Variants in CNNM3 observed in about 807,000 individuals in gnomAD.
CNNM3 encodes metal transporter CNNM3.
Under a neutral mutation model 57.1 loss-of-function variants are expected in CNNM3, and 47 were observed. The ratio of observed to expected loss-of-function variants is 0.82; its 90% CI spans 0.65 to 1.05. The LOEUF is 1.05. Among genes scored for constraint, CNNM3 ranks in the 50% least tolerant of loss-of-function variants. The pLI is 0.00. For missense variants in CNNM3, 957 were observed against 973.7 expected, an observed-to-expected ratio of 0.98 and a Z score of 0.23; for synonymous variants, 507 against 478.2, an observed-to-expected ratio of 1.06 and a Z score of -0.79.
In CNNM3 at chr2:96,833,230, G is replaced by C. The variant is rs1001296341; in HGVS notation, c.*614G>C. On this transcript the variant is annotated 3_prime_UTR_variant, in exon 8 of 8. Transcript: ENST00000305510. The stretch of plus-strand genomic sequence containing the variant: ...GCCCGTAGGCTGTCCCTGTAGCCCT[G>C]CTCCCTCCCTGGAGGCTGCTCTTCT... The C allele has an allele frequency of 2.1e-4, 76 of 354,014 alleles. No individual in the cohort carries two copies. Among genetic ancestry groups the C allele is most frequent in the African/African-American group, 1.5e-3 (69 of 46,716 alleles). 21.9% of individuals were successfully genotyped at this position (354,014 alleles called of 1,614,324 possible).
Position 96,833,298 on chromosome 2 carries a change from C to T in CNNM3, c.*682C>T, listed in dbSNP as rs2079637262. 2 of 309,312 alleles carry T rather than the reference C, an allele frequency of 6.5e-6. No homozygotes were observed. Among genetic ancestry groups the T allele is most frequent in the East Asian group, 1.9e-4 (2 of 10,652 alleles). 19.2% of individuals were successfully genotyped at this position (309,312 alleles called of 1,614,324 possible). A position where few individuals can be genotyped will look rare whatever the true frequency, so the allele number is the denominator to read the frequency against. On this transcript the variant is annotated 3_prime_UTR_variant, in exon 8 of 8. Coordinates refer to ENST00000305510, the MANE Select transcript of CNNM3 (RefSeq NM_017623.5). ...TAGTGGTGCTGAGGGCCCCTTTCTG[C>T]TTCTCTGCCCACCTGCTGAGTTGCC...
In CNNM3 at chr2:96,827,874, G is replaced by A. The variant is rs755741624; in HGVS notation, c.1663G>A (p.Val555Met). 8.1e-6 allele frequency: 13 copies of A among 1,613,760 alleles called. No individual in the cohort carries two copies. Among genetic ancestry groups the A allele is most frequent in the Non-Finnish European group, 7.6e-6 (9 of 1,179,754 alleles). ...HHYLYQRSQPVDYFILILQGR... is the reference protein window; with the variant it reads ...HHYLYQRSQPMDYFILILQGR... ...CTACCTGTACCAGCGCAGCCAGCCG[G>A]TGGATTACTTCATTCTCATCCTGCA... is the stretch of plus-strand genomic sequence containing the variant. Residue 555 changes from valine to methionine, a missense_variant, in exon 4 of 8, where the codon GTG (valine) becomes ATG (methionine). Physicochemically the swap from Val to Met is conservative, Grantham distance 21. Coordinates refer to ENST00000305510, the MANE Select transcript of CNNM3 (RefSeq NM_017623.5).
In CNNM3 at chr2:96,816,813, C is replaced by G. The variant is rs2079326558; in HGVS notation, c.536C>G (p.Ala179Gly). The G allele has an allele frequency of 1.9e-6, 2 of 1,027,852 alleles. No homozygotes were observed. The highest frequency in any genetic ancestry group is 1.7e-5 in the African/African-American group (1 of 57,450). The allele number at this position is 1,027,852 out of a possible 1,614,324, so 63.7% of individuals were successfully genotyped here. A position where few individuals can be genotyped will look rare whatever the true frequency, so the allele number is the denominator to read the frequency against. Residue 179 changes from alanine to glycine, a missense_variant, in exon 1 of 8, where the codon GCG becomes GGG. Ala to Gly is a moderately conservative substitution (Grantham distance 60, BLOSUM62 0). Transcript: ENST00000305510. ...LRESGSEAER[A>G]AARRLEPARR... ...GAGAGCGGCTCGGAGGCGGAGCGTG[C>G]GGCGGCGCGGCGTTTGGAGCCCGCG...
In CNNM3 at chr2:96,828,992, C is replaced by T. The variant is rs1246884825; in HGVS notation, c.1921-4C>T. On this transcript the variant is annotated splice_region_variant and splice_polypyrimidine_tract_variant and intron_variant, in intron 6 of 7. Coordinates refer to ENST00000305510, the MANE Select transcript of CNNM3 (RefSeq NM_017623.5). ...TGGGTCCCAGTAACGCTGTCATCCT[C>T]CAGGTTACGCGACTGCAGTACCTCA... is the stretch of plus-strand genomic sequence containing the variant. The T allele has an allele frequency of 2.5e-6, 4 of 1,613,376 alleles. No homozygotes were observed. Among genetic ancestry groups the T allele is most frequent in the Admixed American group, 3.3e-5 (2 of 59,966 alleles).
intron 5 of CNNM3, 137 bp from the exon 6 acceptor site, chr2:96,828,429 TC>T (rs1308224495): frequency 1.8e-6 from 2 of 1,130,888 alleles, no homozygotes; most frequent in Non-Finnish European, 2.5e-6. Context: ...TGTCCTTCTC[TC>T]CCAGCTTCCC....
At chr2:96,829,188 TCACA>T in intron 7 of CNNM3, 54 bp downstream of exon 7, 2 of 1,591,466 alleles carry the variant, frequency 1.3e-6, no homozygotes, top group South Asian at 2.2e-5. Context: ...GGCCGTGAGC[TCACA>T]CACACAGACT....
rs1009343208 is a variant in CNNM3, at chr2:96,816,970, C to A, written c.693C>A (p.Leu231=). The change falls in exon 1 of 8, where the codon CTC becomes CTA. Residue 231 remains leucine, a synonymous_variant. Coordinates refer to ENST00000305510, the MANE Select transcript of CNNM3 (RefSeq NM_017623.5). ...CCGCCGTGTTGGGCAGCGCGGGGCT[C>A]GTGTTCCTGGTGGGAGAGGTGGTGC... ...AVPAVLGSAG[L]VFLVGEVVPA... 2 of 1,347,242 alleles carry A rather than the reference C, an allele frequency of 1.5e-6. No individual in the cohort carries two copies. The highest frequency in any genetic ancestry group is 1.6e-5 in the African/African-American group (1 of 64,064). 83.5% of individuals were successfully genotyped at this position (1,347,242 alleles called of 1,614,324 possible).
chr2:96,817,609 A>G (rs2079344395), intron 1 of CNNM3, 107 bp downstream of exon 1: 5 of 1,092,242 alleles, frequency 4.6e-6, no homozygotes, highest in South Asian at 1.5e-5. Context: ...CCCTGTGGAG[A>G]GCAGTGAGAC....
chr2:96,832,248 A>G (rs544277916), intron 7 of CNNM3: 206 of 985,306 alleles, frequency 2.1e-4, no homozygotes, highest in South Asian at 8.0e-4. Context: ...ACTGTGGAAA[A>G]TGGTGCTTCC....
At position 96,817,121 on chromosome 2, in the gene CNNM3, C is replaced by G; in HGVS notation, c.844C>G (p.Arg282Gly). ...PVGQLLELAA[R>G]PGRLRERVLE... ...GGGGCAGCTGCTGGAGCTGGCGGCG[C>G]GGCCCGGGCGGCTGCGGGAGCGGGT... The change falls in exon 1 of 8, where the codon CGG (arginine) becomes GGG (glycine). Residue 282 changes from arginine (R) to glycine (G), a missense_variant. This residue lies in a region of CNNM3 where 466 missense variants were observed against 403.1 expected (regional missense o/e 1.16). Transcript: ENST00000305510. 7.4e-7 allele frequency: 1 copy of G among 1,342,902 alleles called. No individual in the cohort carries two copies. The highest frequency in any genetic ancestry group is 9.5e-7 in the Non-Finnish European group (1 of 1,057,330). 83.2% of individuals were successfully genotyped at this position (1,342,902 alleles called of 1,614,324 possible). A position where few individuals can be genotyped will look rare whatever the true frequency, so the allele number is the denominator to read the frequency against.
At chr2:96,818,581 A>G (rs1028274373) in intron 1 of CNNM3, among the ~76,000 whole-genome samples, 1 of 152,084 alleles carries the variant, frequency 6.6e-6, no homozygotes. Context: ...CTAAGGTCTC[A>G]AGTTCTCCCT....
At position 96,826,374 on chromosome 2, in the gene CNNM3, G is replaced by A. The variant is rs373772077; in HGVS notation, c.1370-459G>A. Among the ~76,000 whole-genome samples the A allele has an allele frequency of 2.0e-4, 31 of 151,978 alleles. 1 individual carries two copies. Among genetic ancestry groups the A allele is most frequent in the Non-Finnish European group, 3.4e-4 (23 of 67,990 alleles). Reference sequence around the variant, plus strand: ...ACTACAGGCGCATGCCACCACACCCGTCTAATTATTTTATTTTTTTGTAAA... The same window carrying A: ...ACTACAGGCGCATGCCACCACACCCATCTAATTATTTTATTTTTTTGTAAA... On this transcript the variant is annotated intron_variant, in intron 2 of 7. Transcript: ENST00000305510.
intron 3 of CNNM3, among the ~76,000 whole-genome samples, 200 bp downstream of exon 3, chr2:96,827,182 G>T (rs1212865948): frequency 1.3e-5 from 2 of 152,276 alleles, no homozygotes; most frequent in South Asian, 2.1e-4. Flanking sequence ...CAAGAGCAGG[G>T]CCAGGCCAGT....
chr2:96,816,492 C>T lies in CNNM3; in HGVS notation c.215C>T (p.Ala72Val), dbSNP rs781339390. 1.3e-5 allele frequency: 19 copies of T among 1,458,218 alleles called. No homozygotes were observed. In the East Asian group the frequency reaches 5.1e-4, roughly 40 times the overall value. The allele number at this position is 1,458,218 out of a possible 1,614,324, so 90.3% of individuals were successfully genotyped here. The part of the protein sequence containing the change: ...FLLRLFGPGF[A>V]NSSWSWVAPE... ...CTGCGCCTCTTCGGCCCGGGCTTCGCCAACAGCTCTTGGTCCTGGGTGGCC... is the reference window on the plus strand; with the variant it reads ...CTGCGCCTCTTCGGCCCGGGCTTCGTCAACAGCTCTTGGTCCTGGGTGGCC... Residue 72 changes from alanine to valine, a missense_variant, in exon 1 of 8, where the codon GCC becomes GTC. Physicochemically the swap from Ala to Val is moderately conservative, Grantham distance 64. Transcript: ENST00000305510.
At position 96,826,130 on chromosome 2, in the gene CNNM3, C is replaced by T. The variant is rs76676791; in HGVS notation, c.1370-703C>T. Among the ~76,000 whole-genome samples the T allele has an allele frequency of 1.8e-4, 27 of 152,328 alleles. No individual in the cohort carries two copies. In the East Asian group the frequency reaches 4.8e-3, roughly 27 times the overall value. On this transcript the variant is annotated intron_variant, in intron 2 of 7. Coordinates refer to ENST00000305510, the MANE Select transcript of CNNM3 (RefSeq NM_017623.5). ...AGGCATGGGGTCTCCAGGTTAATTG[C>T]TGCCCATTTGCATTGGTAATCCTTG...
intron 1 of CNNM3, among the ~76,000 whole-genome samples, chr2:96,820,970 A>C (rs2153353871): frequency 6.6e-6 from 1 of 152,320 alleles, no homozygotes; most frequent in Middle Eastern, 3.4e-3. Flanking sequence ...AAGCAGCCCG[A>C]TGCAGGAGGA....
In CNNM3 at chr2:96,827,844, C is replaced by T; in HGVS notation, c.1633C>T (p.His545Tyr). The change falls in exon 4 of 8, where the codon CAC (histidine) becomes TAC (tyrosine). Residue 545 changes from histidine (H) to tyrosine (Y), a missense_variant. Physicochemically the swap from His to Tyr is moderately conservative, Grantham distance 83 (BLOSUM62 2). Coordinates refer to ENST00000305510, the MANE Select transcript of CNNM3 (RefSeq NM_017623.5). ...TGACGAGAGCAACCGGCTGGCCACA[C>T]ACCACTACCTGTACCAGCGCAGCCA... ...RFDESNRLAT[H>Y]HYLYQRSQPV... 4 of 1,614,188 alleles carry T rather than the reference C, an allele frequency of 2.5e-6. No homozygotes were observed. The highest frequency in any genetic ancestry group is 3.4e-6 in the Non-Finnish European group (4 of 1,180,028).
downstream of CNNM3, chr2:96,836,503 A>C (rs976885579): frequency 9.2e-5 from 14 of 152,290 alleles, no homozygotes; most frequent in African/African-American, 3.4e-4. Flanking sequence ...AGCCTACCAA[A>C]GTGCTGGAAT....
In CNNM3 at chr2:96,833,081, C is replaced by A. The variant is rs2079632886; in HGVS notation, c.*465C>A. On this transcript the variant is annotated 3_prime_UTR_variant, in exon 8 of 8. Coordinates refer to ENST00000305510, the MANE Select transcript of CNNM3 (RefSeq NM_017623.5). ...CACTTTTTGAGCAAGCCGAGAGCAC[C>A]CATTTTGGCTGGGGGTTCAGATCGA... The A allele has an allele frequency of 1.7e-6, 2 of 1,202,628 alleles. No individual in the cohort carries two copies. The highest frequency in any genetic ancestry group is 2.3e-5 in the Admixed American group (1 of 43,172). 74.5% of individuals were successfully genotyped at this position (1,202,628 alleles called of 1,614,324 possible). A position where few individuals can be genotyped will look rare whatever the true frequency, so the allele number is the denominator to read the frequency against.
Sources: gnomAD v4.1 joint callset for allele counts (sites outside exome capture counted in the v4.1 genomes callset) on GRCh38, gnomAD v4.1.1 for gene constraint, gnomAD v4.1.1 regional missense constraint, MANE v1.5 for transcripts, NCBI Gene and HGNC (gene_info 2026-07-23, HGNC 2026-07-21) for gene names.